Variants in CSNK2A1 observed in about 807,000 individuals in gnomAD.
CSNK2A1 encodes casein kinase 2 alpha 1.
In CSNK2A1, 10 loss-of-function variants were observed where a neutral mutation model predicts 62.9. The observed-to-expected ratio is 0.16, with a 90% CI of 0.10 to 0.27. The LOEUF is 0.27. Ranked by LOEUF, CSNK2A1 falls within the 10% of genes least tolerant of loss-of-function variation. CSNK2A1 has a pLI of 1.00. For synonymous variants in CSNK2A1, 124 were observed against 167.8 expected, an observed-to-expected ratio of 0.74 and a Z score of 2.02; for missense variants, 160 against 492.0, an observed-to-expected ratio of 0.33 and a Z score of 6.38.
rs1275032543 is a variant in CSNK2A1 at position 477,924 on chromosome 20, C to T, written c.*6037G>A. ...AACAAAACAAAACAAAACAAAAAAA[C>T]CCCAGTTACATTCAGGATGAATTCT... On this transcript the variant is annotated 3_prime_UTR_variant, in exon 14 of 14. Transcript: ENST00000217244. The T allele has an allele frequency of 6.6e-6, 1 of 152,052 alleles. No homozygotes were observed. Among genetic ancestry groups the T allele is most frequent in the Admixed American group, 6.5e-5 (1 of 15,270 alleles). 9.4% of individuals were successfully genotyped at this position (152,052 alleles called of 1,614,324 possible). A position where few individuals can be genotyped will look rare whatever the true frequency, so the allele number is the denominator to read the frequency against.
chr20:541,889 C>G (rs1404526896), intron 1 of CSNK2A1, among the ~76,000 whole-genome samples: 1 of 152,206 alleles, frequency 6.6e-6, no homozygotes, highest in African/African-American at 2.4e-5. Flanking sequence ...CCAAGTATTT[C>G]AAAGTCACAG....
At chr20:484,378 G>C (rs1240855367) in intron 13 of CSNK2A1, among the ~76,000 whole-genome samples, 1 of 152,226 alleles carries the variant, frequency 6.6e-6, no homozygotes, top group Non-Finnish European at 1.5e-5. Flanking sequence ...CTAGGGCAGA[G>C]ATGTCCACCC....
At chr20:504,023 C>CA (rs2018524174) in intron 4 of CSNK2A1, 1 of 157,388 alleles carries the variant, frequency 6.4e-6, no homozygotes, top group Admixed American at 6.5e-5. Flanking sequence ...ATTAAAATTA[C>CA]AAAAATTAGC....
chr20:488,816 A>G, intron 10 of CSNK2A1, 38 bp from the exon 11 acceptor site: 1 of 1,539,274 alleles, frequency 6.5e-7, no homozygotes, highest in Non-Finnish European at 8.9e-7. Flanking sequence ...TATCACAAGC[A>G]TATTATATTA....
rs1426910733 is a variant in CSNK2A1 at position 521,389 on chromosome 20, T to TA, written c.-110+6543dup. Among the ~76,000 whole-genome samples the TA allele has an allele frequency of 2.6e-5, 4 of 152,068 alleles. No homozygotes were observed. In the East Asian group the frequency reaches 5.8e-4, roughly 22 times the overall value. On this transcript the variant is annotated intron_variant, in intron 2 of 13. Transcript: ENST00000217244. ...CAGATTTATTAAAATGGCTAAAATT[T>TA]AAAAAAACAGAAAACAAAACTATAC...
chr20:543,777 A>G lies in CSNK2A1; in HGVS notation c.-332T>C, dbSNP rs917277295. ...CACGGCTCGGCCGCCAGCCGCAGGG[A>G]CCAGAGCGAGGCTGCAGCCGCTGCT... On this transcript the variant is annotated 5_prime_UTR_variant, in exon 1 of 14. Transcript: ENST00000217244. 7.5e-6 allele frequency: 3 copies of G among 398,342 alleles called. No homozygotes were observed. The highest frequency in any genetic ancestry group is 4.1e-5 in the African/African-American group (2 of 48,624). 24.7% of individuals were successfully genotyped at this position (398,342 alleles called of 1,614,324 possible).
In CSNK2A1 at chr20:531,040, C is replaced by T. The variant is rs533123976; in HGVS notation, c.-226-2991G>A. On this transcript the variant is annotated intron_variant, in intron 1 of 13. Coordinates refer to ENST00000217244, the MANE Select transcript of CSNK2A1 (RefSeq NM_177559.3). Reference sequence around the variant, plus strand: ...CAGAGGTTACAGTGAGCTGAGATCGCGCCATTGCACTCCAGCCTGGGTGAA... The same window carrying T: ...CAGAGGTTACAGTGAGCTGAGATCGTGCCATTGCACTCCAGCCTGGGTGAA... 5.3e-5 allele frequency among the ~76,000 whole-genome samples: 8 copies of T among 152,074 alleles called. No homozygotes were observed. The East Asian group carries it at 5.8e-4, about 11-fold the overall frequency.
chr20:536,347 G>A (rs2019324058), intron 1 of CSNK2A1, among the ~76,000 whole-genome samples: 1 of 152,130 alleles, frequency 6.6e-6, no homozygotes, highest in Non-Finnish European at 1.5e-5. Context: ...CTAATGTTGG[G>A]CACCCACATG....
chr20:494,326 C>T (rs1318126089), intron 8 of CSNK2A1: 1 of 151,988 alleles, frequency 6.6e-6, no homozygotes, highest in Non-Finnish European at 1.5e-5. Context: ...CCCAGCTTTT[C>T]CCCCCAATTT....
At chr20:527,323 A>C (rs567343297) in intron 2 of CSNK2A1, among the ~76,000 whole-genome samples, 2 of 152,216 alleles carry the variant, frequency 1.3e-5, no homozygotes, top group East Asian at 3.8e-4. Context: ...TAGTCCCATA[A>C]CCAATAAATT....
chr20:485,111 TATA>T (rs1568496695), intron 13 of CSNK2A1, among the ~76,000 whole-genome samples: 5 of 27,774 alleles, frequency 1.8e-4, no homozygotes, highest in African/African-American at 7.6e-4. Flanking sequence ...AAAAAAAAAA[TATA>T]TATATATATA....
intron 1 of CSNK2A1, chr20:539,109 T>C (rs1725351356): frequency 6.6e-6 from 1 of 152,238 alleles, no homozygotes; most frequent in Non-Finnish European, 1.5e-5. Flanking sequence ...CCAAAGACTC[T>C]AAAATAAAAC....
At chr20:518,128 G>A (rs1186358472) in intron 2 of CSNK2A1, among the ~76,000 whole-genome samples, 1 of 152,110 alleles carries the variant, frequency 6.6e-6, no homozygotes, top group Non-Finnish European at 1.5e-5. Context: ...ACCACACCTG[G>A]CCCACTCATC....
chr20:539,193 T>C (rs1260679157), intron 1 of CSNK2A1: 1 of 152,270 alleles, frequency 6.6e-6, no homozygotes, highest in Non-Finnish European at 1.5e-5. Context: ...AAATGGATTA[T>C]CTTACAGAAG....
At chr20:524,841 G>C (rs977702615) in intron 2 of CSNK2A1, among the ~76,000 whole-genome samples, 1 of 150,862 alleles carries the variant, frequency 6.6e-6, no homozygotes, top group Non-Finnish European at 1.5e-5. Context: ...TAGAAATTAA[G>C]AGCTGGGCAC....
At chr20:490,350 TTAG>T (rs57495422) in intron 9 of CSNK2A1, among the ~76,000 whole-genome samples, 4,310 of 110,412 alleles carry the variant, frequency 0.039, 283 homozygotes, top group African/African-American at 0.16. Context: ...TTTTTTTTTT[TTAG>T]TTTTTTTTTT....
chr20:520,200 T>C (rs986905112), intron 2 of CSNK2A1, among the ~76,000 whole-genome samples: 30 of 152,124 alleles, frequency 2.0e-4, no homozygotes, highest in South Asian at 1.9e-3. Context: ...GAATAAATTA[T>C]CCAGGTAAAA....
chr20:487,747 T>G (rs994262147), intron 11 of CSNK2A1, 172 bp from the exon 12 acceptor site: 2 of 772,540 alleles, frequency 2.6e-6, no homozygotes, highest in Non-Finnish European at 4.1e-6. Context: ...CAAAGCTAAC[T>G]GGAGACTGGA....
intron 9 of CSNK2A1, among the ~76,000 whole-genome samples, chr20:491,676 A>G (rs1356783309): frequency 1.3e-5 from 2 of 151,892 alleles, no homozygotes; most frequent in African/African-American, 4.8e-5. Flanking sequence ...GCCTCAGAAA[A>G]CAAACAAAAG....
Sources: allele counts gnomAD v4.1 joint callset (sites outside exome capture counted in the v4.1 genomes callset), GRCh38; gene constraint gnomAD v4.1.1; transcripts MANE v1.5; gene names NCBI Gene and HGNC (gene_info 2026-07-23, HGNC 2026-07-21).